PRPSAP2: variants seen among roughly 807,000 people sequenced by gnomAD.
The protein encoded by PRPSAP2 is phosphoribosyl pyrophosphate synthase-associated protein 2.
PRPSAP2 carries 24 observed loss-of-function variants against 40.6 expected under a neutral mutation model. The observed-to-expected ratio is 0.59, with a 90% CI of 0.43 to 0.83. The LOEUF is 0.83. Among genes scored for constraint, PRPSAP2 ranks in the 40% least tolerant of loss-of-function variants. The pLI, the probability that PRPSAP2 is intolerant of heterozygous loss-of-function variation, is 0.00. For missense variants in PRPSAP2, 292 were observed against 465.6 expected, an observed-to-expected ratio of 0.63 and a Z score of 3.43; for synonymous variants, 149 against 164.7, an observed-to-expected ratio of 0.90 and a Z score of 0.73.
chr17:18,918,725 C>T (rs1054000614), intron 9 of PRPSAP2, among the ~76,000 whole-genome samples: 2 of 152,160 alleles, frequency 1.3e-5, no homozygotes, highest in Non-Finnish European at 2.9e-5. Flanking sequence ...TTGGGCTATG[C>T]TGTCCAGTCG....
At position 18,865,862 on chromosome 17, in the gene PRPSAP2, A is replaced by G; in HGVS notation, c.29A>G (p.Glu10Gly). The change falls in exon 3 of 12, where the codon GAA becomes GGA. Residue 10 changes from glutamate (E) to glycine (G), a missense_variant. Glu to Gly is a moderately conservative substitution (Grantham distance 98). This residue lies in a region of PRPSAP2 where 51 missense variants were observed against 40.0 expected (regional missense o/e 1.28). Transcript: ENST00000268835. MFCVTPPEL[E>G]TKMNITKGGL... ...TTTTGTGTGACGCCACCTGAATTAG[A>G]AACCAAGATGAACATAACCAAAGGT... 1 of 1,521,790 alleles carries G rather than the reference A, an allele frequency of 6.6e-7. No individual in the cohort carries two copies. The highest frequency in any genetic ancestry group is 8.9e-7 in the Non-Finnish European group (1 of 1,124,160). 94.3% of individuals were successfully genotyped at this position (1,521,790 alleles called of 1,614,324 possible).
intron 1 of PRPSAP2, among the ~76,000 whole-genome samples, chr17:18,863,011 G>A (rs1361776421): frequency 6.6e-6 from 1 of 151,756 alleles, no homozygotes; most frequent in African/African-American, 2.4e-5. Flanking sequence ...TAGTAGAGAC[G>A]GGGCTTCACT....
At chr17:18,871,508 A>G (rs1269933651) in intron 4 of PRPSAP2, among the ~76,000 whole-genome samples, 1 of 152,086 alleles carries the variant, frequency 6.6e-6, no homozygotes, top group African/African-American at 2.4e-5. Flanking sequence ...GGATTTGTCT[A>G]ATTGTTTCTT....
intron 5 of PRPSAP2, among the ~76,000 whole-genome samples, chr17:18,876,736 G>GGGTA (rs1487301769): frequency 6.6e-6 from 1 of 152,200 alleles, no homozygotes; most frequent in African/African-American, 2.4e-5. Flanking sequence ...GAGGCAGACA[G>GGGTA]GGTAGGCCTC....
chr17:18,919,332 C>T (rs1448280941), intron 9 of PRPSAP2, among the ~76,000 whole-genome samples: 10 of 152,116 alleles, frequency 6.6e-5, no homozygotes, highest in African/African-American at 1.9e-4. Context: ...GATGGCGAAA[C>T]GCTGTCTCTA....
intron 7 of PRPSAP2, among the ~76,000 whole-genome samples, chr17:18,883,456 G>A (rs925301473): frequency 2.7e-5 from 4 of 147,150 alleles, no homozygotes; most frequent in Non-Finnish European, 4.5e-5. Flanking sequence ...AGGCTGGAGT[G>A]TAATGGCGCA....
At chr17:18,926,207 C>T (rs1322695721) in intron 10 of PRPSAP2, among the ~76,000 whole-genome samples, 1 of 152,000 alleles carries the variant, frequency 6.6e-6, no homozygotes, top group Non-Finnish European at 1.5e-5. Context: ...GATTCAGTAG[C>T]ACCTTTCCCC....
At chr17:18,877,904 G>A in intron 6 of PRPSAP2, 34 bp downstream of exon 6, 5 of 1,545,468 alleles carry the variant, frequency 3.2e-6, no homozygotes, top group Non-Finnish European at 4.4e-6. Context: ...ATTAATTGGG[G>A]GCCTGGGAGT....
intron 8 of PRPSAP2, chr17:18,908,700 T>C: frequency 1.4e-6 from 1 of 725,824 alleles, no homozygotes; most frequent in Non-Finnish European, 2.5e-6. Flanking sequence ...TCCTGAATAT[T>C]GAGAATGCAC....
At chr17:18,918,629 G>A (rs1193729228) in intron 9 of PRPSAP2, among the ~76,000 whole-genome samples, 1 of 152,242 alleles carries the variant, frequency 6.6e-6, no homozygotes, top group African/African-American at 2.4e-5. Flanking sequence ...GCCTGCATCT[G>A]TGTTTGGGAT....
At chr17:18,914,249 CTTTTTTT>C (rs60892883) in intron 9 of PRPSAP2, among the ~76,000 whole-genome samples, 15 of 48,104 alleles carry the variant, frequency 3.1e-4, no homozygotes, top group South Asian at 2.3e-3. Context: ...CATGTTTTTG[CTTTTTTT>C]TTTTTTTTTT....
intron 8 of PRPSAP2, among the ~76,000 whole-genome samples, chr17:18,903,126 C>T (rs1194218354): frequency 1.3e-5 from 2 of 151,918 alleles, no homozygotes; most frequent in African/African-American, 4.8e-5. Context: ...GATCATACTA[C>T]ATTAAATGAA....
chr17:18,924,655 G>T (rs2041872404), intron 10 of PRPSAP2, among the ~76,000 whole-genome samples: 1 of 151,742 alleles, frequency 6.6e-6, no homozygotes, highest in Non-Finnish European at 1.5e-5. Flanking sequence ...TGCAGTCCCA[G>T]CTACTTGAGA....
At chr17:18,924,326 C>T (rs773863960) in intron 10 of PRPSAP2, among the ~76,000 whole-genome samples, 6 of 152,208 alleles carry the variant, frequency 3.9e-5, no homozygotes, top group Non-Finnish European at 8.8e-5. Context: ...AGGCGTGAGC[C>T]ACTGCACCTG....
chr17:18,872,122 A>G (rs185514613), intron 4 of PRPSAP2, among the ~76,000 whole-genome samples: 255 of 152,170 alleles, frequency 1.7e-3, no homozygotes, highest in African/African-American at 6.0e-3. Context: ...AATACAAAAC[A>G]GTTAGCTGGA....
intron 9 of PRPSAP2, among the ~76,000 whole-genome samples, chr17:18,921,174 C>A (rs1411730644): frequency 6.6e-6 from 1 of 152,128 alleles, no homozygotes. Context: ...GACTGCCCAA[C>A]CACAGCCTAA....
At chr17:18,868,815 C>T (rs189731443) in intron 4 of PRPSAP2, among the ~76,000 whole-genome samples, 21 of 152,000 alleles carry the variant, frequency 1.4e-4, no homozygotes, top group Admixed American at 1.3e-3. Context: ...TTTCAGCCCC[C>T]CAAAGTGCTA....
chr17:18,892,727 G>GTGTTTATTTATT (rs60288281), intron 8 of PRPSAP2, among the ~76,000 whole-genome samples: 44 of 126,702 alleles, frequency 3.5e-4, no homozygotes, highest in Non-Finnish European at 6.2e-4. Flanking sequence ...GTGTGTGTGT[G>GTGTTTATTTATT]TATTTATTTA....
At chr17:18,902,505 T>C (rs191462516) in intron 8 of PRPSAP2, among the ~76,000 whole-genome samples, 116 of 152,090 alleles carry the variant, frequency 7.6e-4, no homozygotes, top group African/African-American at 2.6e-3. Flanking sequence ...TCCTTGAAGG[T>C]AGTGGGGCAA....
Sources: allele counts gnomAD v4.1 joint callset (sites outside exome capture counted in the v4.1 genomes callset), GRCh38; gene constraint gnomAD v4.1.1; regional missense constraint gnomAD v4.1.1; transcripts MANE v1.5; gene names NCBI Gene and HGNC (gene_info 2026-07-23, HGNC 2026-07-21).